Variants in PACRG observed in about 807,000 individuals in gnomAD.
PACRG encodes parkin coregulated gene protein.
In PACRG, 29 loss-of-function variants were observed where a neutral mutation model predicts 29.7. The observed-to-expected ratio is 0.98, with a 90% CI of 0.73 to 1.33. The LOEUF (loss-of-function observed/expected upper bound fraction) is 1.33, where lower values mean the gene tolerates loss of function less well. Ranked by LOEUF, PACRG falls within the 40% of genes most tolerant of loss-of-function variation. The pLI is 0.00. For missense variants in PACRG, 279 were observed against 316.2 expected (o/e 0.88, Z 0.89); for synonymous variants, 116 against 118.7 (o/e 0.98, Z 0.15).
intron 4 of PACRG, among the ~76,000 whole-genome samples, chr6:163,142,915 A>C (rs1039765827): frequency 6.6e-6 from 1 of 152,248 alleles, no homozygotes; most frequent in Non-Finnish European, 1.5e-5. Context: ...ATCATGAAAA[A>C]TAAAGACCAA....
chr6:162,791,140 A>G (rs527652904), intron 1 of PACRG, among the ~76,000 whole-genome samples: 3 of 152,314 alleles, frequency 2.0e-5, no homozygotes, highest in South Asian at 4.1e-4. Context: ...AACTCAAGGT[A>G]TGTCTTAAAG....
chr6:163,250,906 T>TATATATATATATATATATATATAC (rs1026185460), intron 4 of PACRG, among the ~76,000 whole-genome samples: 88 of 149,206 alleles, frequency 5.9e-4, no homozygotes, highest in African/African-American at 2.1e-3. Context: ...TATATATATA[T>TATATATATATATATATATATATAC]ACACTATGGA....
At chr6:162,941,048 ATGTGTGTGTGTGTGTGTGTT>A (rs1338125208) in intron 2 of PACRG, among the ~76,000 whole-genome samples, 72 of 81,944 alleles carry the variant, frequency 8.8e-4, no homozygotes, top group Non-Finnish European at 1.4e-3. Context: ...GTGTTTGTGC[ATGTGTGTGTGTGTGTGTGTT>A]TGTGTGTGTG....
At chr6:163,274,227 G>C (rs540988165) in intron 4 of PACRG, among the ~76,000 whole-genome samples, 1 of 152,128 alleles carries the variant, frequency 6.6e-6, no homozygotes, top group Admixed American at 6.5e-5. Context: ...TCTCTGCCCT[G>C]TGTCCAAATG....
intron 2 of PACRG, among the ~76,000 whole-genome samples, chr6:162,870,625 C>T (rs1584602167): frequency 6.6e-6 from 1 of 152,120 alleles, no homozygotes; most frequent in South Asian, 2.1e-4. Context: ...CATTCTTATG[C>T]CTTTGCGTCC....
At chr6:163,205,366 CACATAAACCA>C (rs1780861069) in intron 4 of PACRG, among the ~76,000 whole-genome samples, 1 of 152,120 alleles carries the variant, frequency 6.6e-6, no homozygotes, top group Non-Finnish European at 1.5e-5. Context: ...TAAAAACAGA[CACATAAACCA>C]ATGGAACAGA....
At chr6:163,181,604 CAAAAAAAAAAAAA>C (rs544633309) in intron 4 of PACRG, among the ~76,000 whole-genome samples, 5 of 65,114 alleles carry the variant, frequency 7.7e-5, no homozygotes, top group South Asian at 6.9e-4. Context: ...CTTGAGGTGG[CAAAAAAAAAAAAA>C]AAAAAAAAAA....
intron 2 of PACRG, among the ~76,000 whole-genome samples, chr6:162,968,962 G>A (rs1396667534): frequency 4.3e-5 from 6 of 141,090 alleles, no homozygotes; most frequent in Non-Finnish European, 7.5e-5. Context: ...CAGGAGAATC[G>A]CTTGAACCCA....
At chr6:163,116,428 G>C (rs1166244998) in intron 4 of PACRG, among the ~76,000 whole-genome samples, 1 of 152,112 alleles carries the variant, frequency 6.6e-6, no homozygotes, top group African/African-American at 2.4e-5. Flanking sequence ...TGATATTTGG[G>C]CAGGGAAATA....
intron 4 of PACRG, among the ~76,000 whole-genome samples, chr6:163,246,352 C>G (rs1782696408): frequency 6.6e-6 from 1 of 152,184 alleles, no homozygotes; most frequent in Non-Finnish European, 1.5e-5. Context: ...CCTGGACACT[C>G]TCGCCCTGGT....
chr6:163,018,135 A>G (rs1806276960), intron 2 of PACRG, among the ~76,000 whole-genome samples: 1 of 152,000 alleles, frequency 6.6e-6, no homozygotes. Context: ...CTTCCACTAC[A>G]TCTGATTTGG....
chr6:163,014,766 A>G (rs149418107), intron 2 of PACRG, among the ~76,000 whole-genome samples: 117 of 152,246 alleles, frequency 7.7e-4, no homozygotes, highest in African/African-American at 2.6e-3. Context: ...TCAGATTCAT[A>G]GTTTGCAAAT....
At chr6:163,186,930 T>G (rs1258680391) in intron 4 of PACRG, among the ~76,000 whole-genome samples, 1 of 152,194 alleles carries the variant, frequency 6.6e-6, no homozygotes, top group Non-Finnish European at 1.5e-5. Context: ...CCTGGGGCTC[T>G]TGACATTTTC....
At chr6:163,020,841 C>G (rs1470885764) in intron 2 of PACRG, among the ~76,000 whole-genome samples, 1 of 151,976 alleles carries the variant, frequency 6.6e-6, no homozygotes, top group Non-Finnish European at 1.5e-5. Flanking sequence ...CTCTTTATTG[C>G]CCAGTACCTC....
At chr6:163,082,679 C>T (rs998315227) in intron 3 of PACRG, among the ~76,000 whole-genome samples, 3 of 152,056 alleles carry the variant, frequency 2.0e-5, no homozygotes, top group African/African-American at 4.8e-5. Context: ...AAATGAGGTC[C>T]GAGTGCAAAT....
At position 163,146,915 on chromosome 6, in the gene PACRG, G is replaced by A. The variant is rs143386913; in HGVS notation, c.613+57507G>A. 6.2e-3 allele frequency among the ~76,000 whole-genome samples: 947 copies of A among 152,230 alleles called. 3 individuals carry two copies. The highest frequency in any genetic ancestry group is 0.015 in the South Asian group (70 of 4,818). On this transcript the variant is annotated intron_variant, in intron 4 of 4. Coordinates refer to ENST00000366888, the MANE Select transcript of PACRG (RefSeq NM_001080379.2). ...TGTAGGCAATATTATGCCACCTTGC[G>A]CATGGTCAGACCACAGCATGTGGGA...
chr6:162,957,949 A>G (rs1431431108), intron 2 of PACRG, among the ~76,000 whole-genome samples: 1 of 152,196 alleles, frequency 6.6e-6, no homozygotes, highest in Non-Finnish European at 1.5e-5. Flanking sequence ...TGGAATTTCT[A>G]TCGATGATAC....
chr6:162,947,342 A>ATATATCATAT (rs1388762226), intron 2 of PACRG, among the ~76,000 whole-genome samples: 91 of 13,370 alleles, frequency 6.8e-3, no homozygotes, highest in African/African-American at 0.01. Flanking sequence ...TCATATATAT[A>ATATATCATAT]ATGATTACAT....
intron 2 of PACRG, among the ~76,000 whole-genome samples, chr6:163,020,138 C>A (rs1229367544): frequency 6.6e-6 from 1 of 152,228 alleles, no homozygotes; most frequent in African/African-American, 2.4e-5. Flanking sequence ...TACTTTCAGT[C>A]TCTACCAATC....
Sources: allele counts gnomAD v4.1 joint callset (sites outside exome capture counted in the v4.1 genomes callset), GRCh38; gene constraint gnomAD v4.1.1; transcripts MANE v1.5; gene names NCBI Gene and HGNC (gene_info 2026-07-23, HGNC 2026-07-21).